Variants in CNTN3 observed in about 807,000 individuals in gnomAD.
CNTN3 encodes the protein contactin-3.
A neutral mutation model predicts 119.1 loss-of-function variants in CNTN3; 60 were observed. The observed-to-expected ratio is 0.50, with a 90% CI of 0.41 to 0.62. The LOEUF is 0.62. CNTN3 is among the 20% of genes least tolerant of loss of function. CNTN3 has a pLI of 0.00. For missense variants in CNTN3, 1,101 were observed against 1,242.4 expected (o/e 0.89, Z 1.71); for synonymous variants, 450 against 438.7 (o/e 1.03, Z -0.32).
chr3:74,588,523 A>G (rs1469060690), intron 1 of CNTN3, among the ~76,000 whole-genome samples: 2 of 152,072 alleles, frequency 1.3e-5, no homozygotes, highest in Non-Finnish European at 2.9e-5. Flanking sequence ...GAAAATGGCC[A>G]TACTGCCCAA....
At chr3:74,520,019 C>T (rs1163514555) in intron 2 of CNTN3, among the ~76,000 whole-genome samples, 1 of 151,530 alleles carries the variant, frequency 6.6e-6, no homozygotes, top group East Asian at 1.9e-4. Flanking sequence ...CTTTAAATAA[C>T]ATGTGTTTTA....
chr3:74,294,105 A>T (rs962228508), intron 19 of CNTN3, among the ~76,000 whole-genome samples: 2 of 152,136 alleles, frequency 1.3e-5, no homozygotes, highest in African/African-American at 4.8e-5. Flanking sequence ...CTGTGATGCA[A>T]ACCTGCCTGT....
chr3:74,466,016 T>C (rs1702454133), intron 4 of CNTN3, among the ~76,000 whole-genome samples: 1 of 152,176 alleles, frequency 6.6e-6, no homozygotes, highest in Non-Finnish European at 1.5e-5. Context: ...ACTTTTCAGC[T>C]GCAGATGCCA....
chr3:74,386,993 T>A (rs1374556443), intron 5 of CNTN3, among the ~76,000 whole-genome samples: 1 of 152,168 alleles, frequency 6.6e-6, no homozygotes, highest in Non-Finnish European at 1.5e-5. Flanking sequence ...AAATGGTGTC[T>A]GAGGCGGCAG....
intron 17 of CNTN3, 62 bp from the exon 18 acceptor site, chr3:74,298,253 G>T: frequency 2.0e-6 from 2 of 987,602 alleles, no homozygotes; most frequent in Non-Finnish European, 1.5e-6. Context: ...AATGAATGCA[G>T]CTGTAATCCA....
At chr3:74,364,679 C>T in intron 9 of CNTN3, 83 bp from the exon 10 acceptor site, 1 of 1,204,324 alleles carries the variant, frequency 8.3e-7, no homozygotes, top group Non-Finnish European at 1.2e-6. Context: ...TTCACTCACA[C>T]AGAAACTTTC....
intron 1 of CNTN3, among the ~76,000 whole-genome samples, chr3:74,528,894 G>A (rs1378262201): frequency 6.6e-6 from 1 of 151,800 alleles, no homozygotes; most frequent in East Asian, 1.9e-4. Flanking sequence ...CCCTATAATA[G>A]GCACGAATGT....
chr3:74,410,851 A>G (rs986680733), intron 5 of CNTN3, among the ~76,000 whole-genome samples: 2 of 152,170 alleles, frequency 1.3e-5, no homozygotes, highest in African/African-American at 4.8e-5. Context: ...TGCCAGAAGT[A>G]CATTAACTAG....
intron 1 of CNTN3, among the ~76,000 whole-genome samples, chr3:74,569,096 ACTC>A (rs1288339136): frequency 6.6e-6 from 1 of 152,066 alleles, no homozygotes; most frequent in Non-Finnish European, 1.5e-5. Flanking sequence ...TTAAGCAGAT[ACTC>A]CTGATATTCC....
At chr3:74,462,692 T>C (rs1702392121) in intron 4 of CNTN3, among the ~76,000 whole-genome samples, 1 of 152,112 alleles carries the variant, frequency 6.6e-6, no homozygotes, top group African/African-American at 2.4e-5. Flanking sequence ...CCTCTATTGA[T>C]ATTAAAGTAA....
At chr3:74,571,768 A>T (rs902092044) in intron 1 of CNTN3, among the ~76,000 whole-genome samples, 1 of 152,228 alleles carries the variant, frequency 6.6e-6, no homozygotes, top group Admixed American at 6.5e-5. Context: ...ACTGGGAAGC[A>T]AAACTTATAG....
At position 74,310,079 on chromosome 3, in the gene CNTN3, T is replaced by G. The variant is rs542387190; in HGVS notation, c.1669-7272A>C. Among the ~76,000 whole-genome samples the G allele has an allele frequency of 9.1e-4, 138 of 152,336 alleles. 2 individuals are homozygous for G. The highest frequency in any genetic ancestry group is 3.2e-3 in the African/African-American group (134 of 41,568). On this transcript the variant is annotated intron_variant, in intron 13 of 22. Coordinates refer to ENST00000263665, the MANE Select transcript of CNTN3 (RefSeq NM_020872.3). Reference sequence around the variant, plus strand: ...TTGCATTGAATTAAAATATTTCAAGTCAAAAGAGCTTACTTTGAGTAAAGT... The same window carrying G: ...TTGCATTGAATTAAAATATTTCAAGGCAAAAGAGCTTACTTTGAGTAAAGT...
chr3:74,385,311 T>C (rs34989253), intron 5 of CNTN3, among the ~76,000 whole-genome samples: 57,914 of 152,012 alleles, frequency 0.38, 11,964 homozygotes, highest in East Asian at 0.61. Context: ...AGAACATCTC[T>C]CCAAATTTCC....
At chr3:74,610,432 GAA>G (rs1705062195) in intron 1 of CNTN3, among the ~76,000 whole-genome samples, 1 of 152,056 alleles carries the variant, frequency 6.6e-6, no homozygotes, top group Non-Finnish European at 1.5e-5. Flanking sequence ...CAAAAGAACA[GAA>G]TGATCCCTAA....
chr3:74,362,016 T>C lies in CNTN3; in HGVS notation c.1238A>G (p.Asn413Ser), dbSNP rs1211766455. 2 of 1,613,318 alleles carry C rather than the reference T, an allele frequency of 1.2e-6. No individual in the cohort carries two copies. The highest frequency in any genetic ancestry group is 2.7e-5 in the African/African-American group (2 of 74,876). ...CACCTGAACCAACTTCTTCATTGGA[T>C]TCTTTGAAAAATCTGGAGCAGAAGC... ...VVASAPDFSK[N>S]PMKKLVQVQV... Residue 413 changes from asparagine (N) to serine (S), a missense_variant, in exon 11 of 23, where the codon AAT (asparagine) becomes AGT (serine). Coordinates refer to ENST00000263665, the MANE Select transcript of CNTN3 (RefSeq NM_020872.3).
chr3:74,468,358 A>G (rs1302275099), intron 4 of CNTN3, among the ~76,000 whole-genome samples: 1 of 152,216 alleles, frequency 6.6e-6, no homozygotes, highest in Non-Finnish European at 1.5e-5. Flanking sequence ...TACATATCAA[A>G]GAAAATCTAG....
In CNTN3 at chr3:74,521,066, C is replaced by T. The variant is rs1267458165; in HGVS notation, c.47G>A (p.Cys16Tyr). The T allele has an allele frequency of 1.3e-6, 2 of 1,596,858 alleles. No homozygotes were observed. Among genetic ancestry groups the T allele is most frequent in the Non-Finnish European group, 1.7e-6 (2 of 1,169,768 alleles). Residue 16 changes from cysteine (C) to tyrosine (Y), a missense_variant, in exon 2 of 23, where the codon TGC becomes TAC. Coordinates refer to ENST00000263665, the MANE Select transcript of CNTN3 (RefSeq NM_020872.3). Reference sequence around the variant, plus strand: ...ATAGGATTTTTTTTTACCTCCTAAGCAGCCAATGAATGAAAGCAGGATCAA... The same window carrying T: ...ATAGGATTTTTTTTTACCTCCTAAGTAGCCAATGAATGAAAGCAGGATCAA... ...KQLILLSFIG[C>Y]LGGELLLQGP...
At chr3:74,334,999 T>C in intron 12 of CNTN3, 89 bp from the exon 13 acceptor site, 1 of 900,114 alleles carries the variant, frequency 1.1e-6, no homozygotes. Context: ...ACTTATACTG[T>C]GTATGTCTGT....
chr3:74,554,563 T>C (rs1704041418), intron 1 of CNTN3, among the ~76,000 whole-genome samples: 1 of 152,254 alleles, frequency 6.6e-6, no homozygotes, highest in Admixed American at 6.5e-5. Context: ...GGAATGTTTT[T>C]CCATTTGTTT....
Sources: allele counts gnomAD v4.1 joint callset (sites outside exome capture counted in the v4.1 genomes callset), GRCh38; gene constraint gnomAD v4.1.1; transcripts MANE v1.5; gene names NCBI Gene and HGNC (gene_info 2026-07-23, HGNC 2026-07-21).